Variants in FUT8 observed in about 807,000 individuals in gnomAD.
FUT8 encodes the protein fucosyltransferase 8.
In FUT8, 29 loss-of-function variants were observed where a neutral mutation model predicts 71.3. The observed-to-expected ratio is 0.41, with a 90% CI of 0.30 to 0.55. FUT8 has a LOEUF of 0.55. Among genes scored for constraint, FUT8 ranks in the 20% least tolerant of loss-of-function variants. The probability of loss-of-function intolerance (pLI) is 0.34; values close to 1 mark genes in which losing one functional copy is unlikely to be tolerated. For synonymous variants in FUT8, 254 were observed against 239.3 expected, an observed-to-expected ratio of 1.06 and a Z score of -0.57; for missense variants, 544 against 702.1, an observed-to-expected ratio of 0.77 and a Z score of 2.55.
At position 65,467,790 on chromosome 14, in the gene FUT8, A is replaced by AT. The variant is rs576544312; in HGVS notation, c.-228+12080dup. On this transcript the variant is annotated intron_variant, in intron 2 of 10. Coordinates refer to ENST00000673929, the MANE Select transcript of FUT8 (RefSeq NM_001371533.1). The surrounding 1 kb of genome is among the most constrained non-coding windows in gnomAD (Gnocchi z 4.1). ...TGCCCAGCCAGTCTAGAGGTCTTTTATTTTTTTTAACACCTGTTATGCTAT... is the reference window on the plus strand; with the variant it reads ...TGCCCAGCCAGTCTAGAGGTCTTTTATTTTTTTTTAACACCTGTTATGCTAT... The AT allele has an allele frequency of 2.8e-4, 200 of 707,360 alleles. No individual in the cohort carries two copies. The highest frequency in any genetic ancestry group is 1.9e-3 in the African/African-American group (107 of 56,290). The allele number at this position is 707,360 out of a possible 1,614,324, so 43.8% of individuals were successfully genotyped here.
At chr14:65,583,069 CTT>C (rs1005927809) in intron 3 of FUT8, among the ~76,000 whole-genome samples, 14 of 152,284 alleles carry the variant, frequency 9.2e-5, no homozygotes, top group African/African-American at 3.1e-4. Context: ...ATAATTAAAA[CTT>C]AACATCTTTA....
chr14:65,518,518 ATTTAT>A (rs1416865734), intron 2 of FUT8, among the ~76,000 whole-genome samples: 2 of 151,772 alleles, frequency 1.3e-5, no homozygotes, highest in Non-Finnish European at 2.9e-5. Context: ...CTTCATTTTT[ATTTAT>A]TTTATTTTTC....
chr14:65,439,954 G>GTGTATGTATATATATATATA, intron 1 of FUT8, among the ~76,000 whole-genome samples: 14 of 74,972 alleles, frequency 1.9e-4, no homozygotes, highest in South Asian at 1.2e-3. Flanking sequence ...GTGTGTGTGT[G>GTGTATGTATATATATATATA]TATATATATA....
intron 7 of FUT8, among the ~76,000 whole-genome samples, chr14:65,719,738 A>G (rs939920745): frequency 3.9e-5 from 6 of 152,220 alleles, no homozygotes; most frequent in African/African-American, 1.4e-4. Flanking sequence ...GTCTTAGATA[A>G]GGTCTAGAAG....
chr14:65,724,197 C>T lies in FUT8; in HGVS notation c.1133C>T (p.Pro378Leu). 3.1e-6 allele frequency: 5 copies of T among 1,609,430 alleles called. No individual in the cohort carries two copies. Among genetic ancestry groups the T allele is most frequent in the Non-Finnish European group, 4.2e-6 (5 of 1,178,850 alleles). The change falls in exon 9 of 11, where the codon CCC becomes CTC. Residue 378 changes from proline (P) to leucine (L), a missense_variant. By Grantham distance (98) the Pro-to-Leu change is moderately conservative (BLOSUM62 -3). Transcript: ENST00000673929. ...DKVGTEAAFH[P>L]IEEYMVHVEE... ...GTGGGAACAGAAGCTGCCTTCCATC[C>T]CATTGAAGAGTACATGGTGCATGTT...
chr14:65,561,773 C>T lies in FUT8; in HGVS notation c.203+7C>T. On this transcript the variant is annotated splice_region_variant and intron_variant, in intron 3 of 10. Transcript: ENST00000673929. ...GAATGGCCGAATCTCTCCGGTAGGTCCTAAAATACTGAATGAAGAATGATG... is the reference window on the plus strand; with the variant it reads ...GAATGGCCGAATCTCTCCGGTAGGTTCTAAAATACTGAATGAAGAATGATG... 6.2e-7 allele frequency: 1 copy of T among 1,606,792 alleles called. No individual in the cohort carries two copies. The highest frequency in any genetic ancestry group is 8.5e-7 in the Non-Finnish European group (1 of 1,173,826).
At chr14:65,520,719 C>T (rs1883025977) in intron 2 of FUT8, among the ~76,000 whole-genome samples, 1 of 151,944 alleles carries the variant, frequency 6.6e-6, no homozygotes, top group Non-Finnish European at 1.5e-5. Context: ...TGTTTAGTAA[C>T]ATTTTAGATG....
At chr14:65,555,628 G>C (rs1422526419) in intron 2 of FUT8, among the ~76,000 whole-genome samples, 1 of 152,108 alleles carries the variant, frequency 6.6e-6, no homozygotes. Flanking sequence ...TTTCTGTGCT[G>C]GTGTTCAGCA....
At chr14:65,420,222 T>G (rs992099632) in intron 1 of FUT8, among the ~76,000 whole-genome samples, 3 of 152,164 alleles carry the variant, frequency 2.0e-5, no homozygotes, top group Non-Finnish European at 4.4e-5. Flanking sequence ...AGAAGTCTAT[T>G]TTGGAGAAAT....
chr14:65,726,870 G>A (rs553650289), intron 9 of FUT8, among the ~76,000 whole-genome samples: 2 of 152,240 alleles, frequency 1.3e-5, no homozygotes, highest in African/African-American at 4.8e-5. Flanking sequence ...AGATACAGTG[G>A]GGGTACAGGC....
chr14:65,492,852 A>G (rs1307625614), intron 2 of FUT8, among the ~76,000 whole-genome samples: 2 of 152,116 alleles, frequency 1.3e-5, no homozygotes, highest in African/African-American at 4.8e-5. Context: ...TAAGTCCATG[A>G]GGCTTGTTTA....
chr14:65,717,166 G>A (rs1185275328), intron 7 of FUT8, among the ~76,000 whole-genome samples: 3 of 88,058 alleles, frequency 3.4e-5, no homozygotes, highest in Non-Finnish European at 4.6e-5. Flanking sequence ...GGGCAGAGGC[G>A]CTTCTCACCT....
At chr14:65,457,638 A>G (rs28583895) in intron 2 of FUT8, among the ~76,000 whole-genome samples, 1,586 of 152,222 alleles carry the variant, frequency 0.01, 30 homozygotes, top group African/African-American at 0.037. Flanking sequence ...AAGATTTCAC[A>G]TGAAAGGGTT....
At chr14:65,562,079 T>G (rs1198443280) in intron 3 of FUT8, among the ~76,000 whole-genome samples, 2 of 152,084 alleles carry the variant, frequency 1.3e-5, no homozygotes, top group Admixed American at 6.6e-5. Flanking sequence ...TTAGTGTACT[T>G]TATATGTGCC....
At chr14:65,515,358 A>T (rs189910131) in intron 2 of FUT8, among the ~76,000 whole-genome samples, 1 of 152,152 alleles carries the variant, frequency 6.6e-6, no homozygotes, top group Non-Finnish European at 1.5e-5. Context: ...TAGGGAAATT[A>T]TGCATCCAAA....
chr14:65,573,444 A>G (rs1421022443), intron 3 of FUT8, among the ~76,000 whole-genome samples: 1 of 152,162 alleles, frequency 6.6e-6, no homozygotes, highest in East Asian at 1.9e-4. Context: ...GGTGATAGCT[A>G]TATGATTTTG....
intron 1 of FUT8, among the ~76,000 whole-genome samples, chr14:65,416,551 C>T (rs1261806896): frequency 2.0e-5 from 3 of 152,094 alleles, no homozygotes; most frequent in Non-Finnish European, 2.9e-5. Flanking sequence ...GTAGCATCCT[C>T]TTATTGATTC....
At chr14:65,383,708 A>G in the FUT8 span, among the ~76,000 whole-genome samples, 2 of 152,198 alleles carry the variant, frequency 1.3e-5, no homozygotes, top group Non-Finnish European at 2.9e-5. Context: ...TTCCCCAATC[A>G]TGAGTTCCTT....
At chr14:65,659,193 T>G (rs10148874) in intron 6 of FUT8, among the ~76,000 whole-genome samples, 9,488 of 151,378 alleles carry the variant, frequency 0.063, 540 homozygotes, top group African/African-American at 0.15. Context: ...TTTTTTGTTT[T>G]GTTTTTTTTT....
Sources: gnomAD v4.1 joint callset for allele counts (sites outside exome capture counted in the v4.1 genomes callset) on GRCh38, gnomAD v4.1.1 for gene constraint, Gnocchi (gnomAD v3.1) non-coding constraint, MANE v1.5 for transcripts, NCBI Gene and HGNC (gene_info 2026-07-23, HGNC 2026-07-21) for gene names.